Variants in MCC observed in about 807,000 individuals in gnomAD.
MCC encodes the protein MCC regulator of Wnt signaling pathway, also known as colorectal mutant cancer protein.
In MCC, 90 loss-of-function variants were observed where a neutral mutation model predicts 116.2. The ratio of observed to expected loss-of-function variants is 0.77; its 90% CI spans 0.65 to 0.92. The LOEUF (loss-of-function observed/expected upper bound fraction) is 0.92, where lower values mean the gene tolerates loss of function less well. Among genes scored for constraint, MCC ranks in the 40% least tolerant of loss-of-function variants. MCC has a pLI of 0.00. For synonymous variants in MCC, 578 were observed against 510.5 expected, an observed-to-expected ratio of 1.13 and a Z score of -1.78; for missense variants, 1,516 against 1,312.2, an observed-to-expected ratio of 1.16 and a Z score of -2.40.
At chr5:113,422,061 A>G (rs1770351164) in intron 1 of MCC, among the ~76,000 whole-genome samples, 2 of 152,238 alleles carry the variant, frequency 1.3e-5, no homozygotes, top group South Asian at 4.1e-4. Flanking sequence ...AACAGCAGCA[A>G]TAAAATTATA....
rs193030210 is a variant in MCC, at chr5:113,416,361, G to A, written c.171-31149C>T. ...TTGAGCACAGGAGTTTGAGGTTGTA[G>A]TGTGCTATGATCACACCTGTGAATA... is the stretch of plus-strand genomic sequence containing the variant. On this transcript the variant is annotated intron_variant, in intron 1 of 18. Transcript: ENST00000408903. Among the ~76,000 whole-genome samples the A allele has an allele frequency of 4.6e-5, 7 of 152,204 alleles. No individual in the cohort carries two copies. The East Asian group carries it at 1.2e-3, about 25-fold the overall frequency.
At chr5:113,202,690 T>A (rs1561454366) in intron 3 of MCC, among the ~76,000 whole-genome samples, 1 of 151,934 alleles carries the variant, frequency 6.6e-6, no homozygotes. Flanking sequence ...TGAGACAGTT[T>A]ATCAGACTTT....
Position 113,025,335 on chromosome 5 carries a change from A to G in MCC, c.*1967T>C, listed in dbSNP as rs528592883. The G allele has an allele frequency of 5.3e-5, 8 of 152,126 alleles. No individual in the cohort carries two copies. The highest frequency in any genetic ancestry group is 2.0e-4 in the Admixed American group (3 of 15,286). 9.4% of individuals were successfully genotyped at this position (152,126 alleles called of 1,614,324 possible). A position where few individuals can be genotyped will look rare whatever the true frequency, so the allele number is the denominator to read the frequency against. On this transcript the variant is annotated 3_prime_UTR_variant, in exon 19 of 19. Transcript: ENST00000408903. ...TATGAAAAGTGAAAAATTCTAAAAA[A>G]TCACAGGAATGGCCAGGCACATTGG... is the stretch of plus-strand genomic sequence containing the variant.
intron 15 of MCC, among the ~76,000 whole-genome samples, chr5:113,050,441 T>A (rs1025188566): frequency 5.3e-5 from 8 of 152,114 alleles, no homozygotes; most frequent in African/African-American, 1.9e-4. Context: ...TGCACTCTCC[T>A]GGGTAAGTTG....
intron 12 of MCC, among the ~76,000 whole-genome samples, chr5:113,070,093 G>A (rs979719683): frequency 6.6e-6 from 1 of 152,164 alleles, no homozygotes; most frequent in African/African-American, 2.4e-5. Context: ...CAGCTTCAAC[G>A]GTTATCACAG....
intron 3 of MCC, among the ~76,000 whole-genome samples, chr5:113,336,333 T>A (rs989096758): frequency 6.6e-6 from 1 of 151,778 alleles, no homozygotes. Flanking sequence ...GCTGCTTAAC[T>A]ACTTGGTGTA....
chr5:113,028,554 T>C (rs1277648936), intron 18 of MCC, among the ~76,000 whole-genome samples: 2 of 152,216 alleles, frequency 1.3e-5, no homozygotes, highest in African/African-American at 2.4e-5. Context: ...TCCTGAAGTA[T>C]TCCAGTGGAT....
intron 3 of MCC, among the ~76,000 whole-genome samples, chr5:113,206,146 T>C (rs1009051666): frequency 1.3e-5 from 2 of 152,188 alleles, no homozygotes; most frequent in Admixed American, 6.5e-5. Context: ...CACCTCATTT[T>C]ACATACAGGA....
intron 3 of MCC, among the ~76,000 whole-genome samples, chr5:113,176,146 G>A (rs973740189): frequency 6.6e-6 from 1 of 152,100 alleles, no homozygotes; most frequent in Non-Finnish European, 1.5e-5. Flanking sequence ...TGGGTAAATG[G>A]CTTTGCCTTA....
At chr5:113,134,555 C>CTTTTTTTTTTT in intron 5 of MCC, among the ~76,000 whole-genome samples, 4 of 30,120 alleles carry the variant, frequency 1.3e-4, no homozygotes, top group African/African-American at 5.3e-4. Flanking sequence ...GCTATTTGGG[C>CTTTTTTTTTTT]TTTTTTTTTT....
intron 8 of MCC, among the ~76,000 whole-genome samples, chr5:113,094,460 G>T (rs1397780292): frequency 7.0e-6 from 1 of 142,148 alleles, no homozygotes; most frequent in South Asian, 2.2e-4. Flanking sequence ...CTCACACGTT[G>T]CCTAGGCTGG....
At chr5:113,338,295 A>G (rs750974094) in intron 3 of MCC, among the ~76,000 whole-genome samples, 6 of 152,310 alleles carry the variant, frequency 3.9e-5, no homozygotes, top group Middle Eastern at 3.4e-3. Flanking sequence ...CTTAACCAGT[A>G]AAGTAAAAAG....
chr5:113,468,455 T>G (rs561192062), intron 1 of MCC, among the ~76,000 whole-genome samples: 9 of 152,350 alleles, frequency 5.9e-5, no homozygotes, highest in African/African-American at 2.2e-4. Context: ...GGTTTTTGTC[T>G]TTGGTTCTGT....
Position 113,410,787 on chromosome 5 carries a change from C to T in MCC, c.171-25575G>A, listed in dbSNP as rs568989527. Reference sequence around the variant, plus strand: ...CCACCCTACAACAGGCCCTGGTGTGCGATGTTCCCTGCCCTGTGTCCATGT... The same window carrying T: ...CCACCCTACAACAGGCCCTGGTGTGTGATGTTCCCTGCCCTGTGTCCATGT... On this transcript the variant is annotated intron_variant, in intron 1 of 18. Coordinates refer to ENST00000408903, the MANE Select transcript of MCC (RefSeq NM_001085377.2). 6.6e-5 allele frequency among the ~76,000 whole-genome samples: 10 copies of T among 152,182 alleles called. No homozygotes were observed. The East Asian group carries it at 7.7e-4, about 12-fold the overall frequency.
At chr5:113,068,535 T>G (rs1753788109) in intron 12 of MCC, among the ~76,000 whole-genome samples, 2 of 152,212 alleles carry the variant, frequency 1.3e-5, no homozygotes, top group South Asian at 4.1e-4. Context: ...GTCCACACCC[T>G]TGTGCTGTCC....
intron 5 of MCC, among the ~76,000 whole-genome samples, chr5:113,142,596 C>CAGTG (rs916788257): frequency 6.8e-6 from 1 of 147,238 alleles, no homozygotes; most frequent in African/African-American, 2.4e-5. Flanking sequence ...AACTACAAGG[C>CAGTG]AGTCACTCTC....
chr5:113,266,665 G>A (rs1057006932), intron 3 of MCC, among the ~76,000 whole-genome samples: 1 of 152,090 alleles, frequency 6.6e-6, no homozygotes. Flanking sequence ...ATAGGCGTGA[G>A]CCACCACATC....
intron 3 of MCC, among the ~76,000 whole-genome samples, chr5:113,204,057 G>C (rs765086357): frequency 6.6e-6 from 1 of 152,156 alleles, no homozygotes; most frequent in Non-Finnish European, 1.5e-5. Flanking sequence ...TCTATCCACA[G>C]CCTTTCTGGG....
At chr5:113,252,434 G>A (rs1217111765) in intron 3 of MCC, among the ~76,000 whole-genome samples, 1 of 152,188 alleles carries the variant, frequency 6.6e-6, no homozygotes, top group Non-Finnish European at 1.5e-5. Flanking sequence ...CTGAGCACGT[G>A]AGGGATCTAG....
Sources: allele counts gnomAD v4.1 joint callset (sites outside exome capture counted in the v4.1 genomes callset), GRCh38; gene constraint gnomAD v4.1.1; transcripts MANE v1.5; gene names NCBI Gene and HGNC (gene_info 2026-07-23, HGNC 2026-07-21).